The following PLA2G4A variants were observed in gnomAD, a reference collection of about 807,000 sequenced individuals.
PLA2G4A encodes the protein cytosolic phospholipase A2.
PLA2G4A carries 40 observed loss-of-function variants against 81.9 expected under a neutral mutation model. The observed-to-expected ratio is 0.49, with a 90% CI of 0.38 to 0.64. The LOEUF (loss-of-function observed/expected upper bound fraction) is 0.64. PLA2G4A is among the 30% of genes least tolerant of loss of function. The pLI, the probability that PLA2G4A is intolerant of heterozygous loss-of-function variation, is 0.00. For missense variants in PLA2G4A, 715 were observed against 905.1 expected (o/e 0.79, Z 2.69); for synonymous variants, 302 against 296.9 (o/e 1.02, Z -0.18).
chr1:186,871,166 G>A lies in PLA2G4A; in HGVS notation c.115+650G>A, dbSNP rs12720511. ...TTGTATGGAATAGCCATAGAAACTG[G>A]TATAGGACAGCCTGAAATGATGCGA... On this transcript the variant is annotated intron_variant, in intron 3 of 17. Transcript: ENST00000367466. Among the ~76,000 whole-genome samples the A allele has an allele frequency of 1.4e-3, 216 of 152,184 alleles. 4 individuals carry two copies. The East Asian group carries it at 0.034, about 24-fold the overall frequency.
At chr1:186,837,513 A>G (rs1651823122) in intron 1 of PLA2G4A, among the ~76,000 whole-genome samples, 1 of 151,592 alleles carries the variant, frequency 6.6e-6, no homozygotes, top group Non-Finnish European at 1.5e-5. Flanking sequence ...GCGGATCACG[A>G]GGTCAGGAGA....
chr1:186,983,233 G>A (rs1280298298), intron 17 of PLA2G4A, among the ~76,000 whole-genome samples: 3 of 152,138 alleles, frequency 2.0e-5, no homozygotes, highest in Admixed American at 6.6e-5. Flanking sequence ...GTAGGGTACC[G>A]ATTCACACTT....
chr1:186,855,661 C>A (rs1652525240), intron 2 of PLA2G4A, among the ~76,000 whole-genome samples: 1 of 151,968 alleles, frequency 6.6e-6, no homozygotes, highest in African/African-American at 2.4e-5. Context: ...CTATGAGATT[C>A]ATTCATGTTG....
In PLA2G4A at chr1:186,977,797, G is replaced by A. The variant is rs1381409367; in HGVS notation, c.1960+9G>A. ...AAAGTACAGGGCTCCAGGTAAGTAG[G>A]GAGTAAGCTGTATTCCATAAAATAG... On this transcript the variant is annotated intron_variant, in intron 16 of 17. Coordinates refer to ENST00000367466, the MANE Select transcript of PLA2G4A (RefSeq NM_024420.3). The A allele has an allele frequency of 1.9e-6, 3 of 1,553,710 alleles. No individual in the cohort carries two copies.
In PLA2G4A at chr1:186,861,905, G is replaced by A. The variant is rs115834479; in HGVS notation, c.33+7518G>A. 1.9e-3 allele frequency among the ~76,000 whole-genome samples: 288 copies of A among 151,704 alleles called. 2 individuals are homozygous for A. Among genetic ancestry groups the A allele is most frequent in the African/African-American group, 6.8e-3 (280 of 41,400 alleles). ...CCCCATTGAAGGCTGTGTGCTCAGA[G>A]TAAGAAAACCTCATTTTACCCACGA... On this transcript the variant is annotated intron_variant, in intron 2 of 17. Transcript: ENST00000367466.
At chr1:186,927,411 T>C (rs1248126811) in intron 7 of PLA2G4A, among the ~76,000 whole-genome samples, 5 of 152,234 alleles carry the variant, frequency 3.3e-5, no homozygotes, top group Admixed American at 3.3e-4. Context: ...TGTTCTAAAA[T>C]AGTTTCTGGT....
intron 15 of PLA2G4A, among the ~76,000 whole-genome samples, chr1:186,977,305 T>C (rs1240220308): frequency 2.0e-5 from 3 of 152,212 alleles, no homozygotes; most frequent in Non-Finnish European, 2.9e-5. Flanking sequence ...TAATTTTTTT[T>C]CTCTAGCAGC....
chr1:186,875,197 C>T (rs1427492208), intron 3 of PLA2G4A, among the ~76,000 whole-genome samples: 3 of 152,074 alleles, frequency 2.0e-5, no homozygotes, highest in Non-Finnish European at 2.9e-5. Context: ...ATCTATAGGA[C>T]TTGTGAGCAG....
intron 17 of PLA2G4A, among the ~76,000 whole-genome samples, chr1:186,984,582 C>A (rs1178862467): frequency 2.6e-5 from 4 of 152,130 alleles, no homozygotes; most frequent in African/African-American, 9.7e-5. Flanking sequence ...TTTCTTAATT[C>A]ATTAATTCAT....
chr1:186,904,306 G>A (rs1654657743), intron 5 of PLA2G4A, among the ~76,000 whole-genome samples: 1 of 152,198 alleles, frequency 6.6e-6, no homozygotes, highest in African/African-American at 2.4e-5. Flanking sequence ...GCCTGGAAGA[G>A]GTGATCATTC....
At chr1:186,845,846 A>G (rs531077227) in intron 1 of PLA2G4A, among the ~76,000 whole-genome samples, 1 of 152,324 alleles carries the variant, frequency 6.6e-6, no homozygotes, top group Admixed American at 6.5e-5. Context: ...TGCATCGGGA[A>G]GTATCTGTTG....
At chr1:186,960,626 C>A (rs1206890608) in intron 14 of PLA2G4A, among the ~76,000 whole-genome samples, 10 of 152,120 alleles carry the variant, frequency 6.6e-5, no homozygotes, top group Non-Finnish European at 1.5e-4. Context: ...GAGTTTAAGT[C>A]CTACTTAAAG....
intron 5 of PLA2G4A, among the ~76,000 whole-genome samples, chr1:186,899,645 T>A (rs1304490947): frequency 1.3e-5 from 2 of 152,154 alleles, no homozygotes; most frequent in Admixed American, 6.6e-5. Flanking sequence ...AGAGTTCTGA[T>A]GTTATCTTAC....
chr1:186,985,472 A>G (rs190406441), intron 17 of PLA2G4A, among the ~76,000 whole-genome samples: 2 of 152,194 alleles, frequency 1.3e-5, no homozygotes, highest in African/African-American at 4.8e-5. Context: ...ATATCTTCTC[A>G]TGTTCTCCTA....
At chr1:186,859,135 C>G (rs956067328) in intron 2 of PLA2G4A, among the ~76,000 whole-genome samples, 3 of 152,182 alleles carry the variant, frequency 2.0e-5, no homozygotes, top group Admixed American at 2.0e-4. Context: ...GCCTCAAGGC[C>G]AGGAGACTGG....
intron 4 of PLA2G4A, 25 bp downstream of exon 4, chr1:186,893,184 T>TA (rs1445965372): frequency 4.4e-6 from 7 of 1,591,314 alleles, no homozygotes; most frequent in Non-Finnish European, 6.0e-6. Context: ...TGGATGCTGT[T>TA]AGATGGTTGT....
intron 3 of PLA2G4A, among the ~76,000 whole-genome samples, chr1:186,883,961 G>T (rs1394870535): frequency 6.6e-6 from 1 of 152,094 alleles, no homozygotes; most frequent in Non-Finnish European, 1.5e-5. Flanking sequence ...AGAATTGTAA[G>T]AATTAATGAA....
chr1:186,831,803 A>G (rs1651601575), intron 1 of PLA2G4A, among the ~76,000 whole-genome samples: 1 of 151,866 alleles, frequency 6.6e-6, no homozygotes, highest in African/African-American at 2.4e-5. Context: ...TGCATCAGCA[A>G]AGAGACAGAC....
At chr1:186,948,766 C>G (rs2102237175) in intron 12 of PLA2G4A, among the ~76,000 whole-genome samples, 1 of 152,222 alleles carries the variant, frequency 6.6e-6, no homozygotes, top group South Asian at 2.1e-4. Flanking sequence ...GGCCGGCAGT[C>G]TGGCAGCTTA....
Sources: gnomAD v4.1 joint callset for allele counts (sites outside exome capture counted in the v4.1 genomes callset) on GRCh38, gnomAD v4.1.1 for gene constraint, MANE v1.5 for transcripts, NCBI Gene and HGNC (gene_info 2026-07-23, HGNC 2026-07-21) for gene names.